The following CNIH3 variants were observed in gnomAD, a reference collection of about 807,000 sequenced individuals.
CNIH3 encodes the protein protein cornichon homolog 3.
CNIH3 carries 14 observed loss-of-function variants against 24.1 expected under a neutral mutation model. The ratio of observed to expected loss-of-function variants is 0.58; its 90% CI spans 0.38 to 0.91. The LOEUF (loss-of-function observed/expected upper bound fraction) is 0.91. Among genes scored for constraint, CNIH3 ranks in the 40% least tolerant of loss-of-function variants. The pLI is 0.00. For synonymous variants in CNIH3, 68 were observed against 73.8 expected (o/e 0.92, Z 0.40); for missense variants, 178 against 196.8 (o/e 0.90, Z 0.57).
rs953749225 is a variant in CNIH3 at position 224,697,969 on chromosome 1, T to C, written c.198+13126T>C. On this transcript the variant is annotated intron_variant, in intron 3 of 5. Transcript: ENST00000272133. ...GCTTGTGCTGAATTAATTCGCATGC[T>C]CCAGACATATCTTCTCCCCACGGAA... Among the ~76,000 whole-genome samples, 25 of 152,222 alleles carry C rather than the reference T, an allele frequency of 1.6e-4. 1 individual carries two copies. The highest frequency in any genetic ancestry group is 5.3e-4 in the African/African-American group (22 of 41,460).
chr1:224,690,066 G>A (rs1003180258), intron 3 of CNIH3, among the ~76,000 whole-genome samples: 23 of 152,142 alleles, frequency 1.5e-4, no homozygotes, highest in African/African-American at 5.1e-4. Flanking sequence ...AGTGGTTCGA[G>A]GAAATTAACT....
chr1:224,661,288 AT>A, intron 1 of CNIH3: 25 of 294,958 alleles, frequency 8.5e-5, no homozygotes, highest in South Asian at 1.3e-4. Flanking sequence ...TTTTTTAGTA[AT>A]TTTTTTGCCA....
chr1:224,696,574 CA>C (rs2125166891), intron 3 of CNIH3, among the ~76,000 whole-genome samples: 1 of 152,292 alleles, frequency 6.6e-6, no homozygotes, highest in East Asian at 1.9e-4. Context: ...GACGAGGTGT[CA>C]CAGGTTGAAT....
chr1:224,577,683 A>G (rs1302089151), intron 4 of CNIH3, among the ~76,000 whole-genome samples: 9 of 152,300 alleles, frequency 5.9e-5, no homozygotes, highest in African/African-American at 2.2e-4. Flanking sequence ...AGTATTGTAG[A>G]ACTATTGTTT....
intron 1 of CNIH3, among the ~76,000 whole-genome samples, chr1:224,469,854 T>C (rs2102995100): frequency 6.6e-6 from 1 of 152,312 alleles, no homozygotes; most frequent in Non-Finnish European, 1.5e-5. Flanking sequence ...ATTTTCCTTC[T>C]ACTTTCAGGC....
chr1:224,596,187 C>G (rs1681973719), intron 3 of CNIH3, among the ~76,000 whole-genome samples: 1 of 152,238 alleles, frequency 6.6e-6, no homozygotes, highest in African/African-American at 2.4e-5. Flanking sequence ...AGCTCACTCT[C>G]TCATTAGGGG....
downstream of CNIH3, among the ~76,000 whole-genome samples, chr1:224,591,831 G>C (rs552928676): frequency 2.6e-5 from 4 of 152,248 alleles, no homozygotes; most frequent in South Asian, 8.3e-4. Flanking sequence ...TGCCTGATCT[G>C]TCTATCATTT....
intron 3 of CNIH3, among the ~76,000 whole-genome samples, chr1:224,561,226 A>T (rs1454411694): frequency 6.6e-6 from 1 of 152,210 alleles, no homozygotes; most frequent in African/African-American, 2.4e-5. Context: ...TAATTTTGGT[A>T]AATAAAAATT....
intron 2 of CNIH3, among the ~76,000 whole-genome samples, chr1:224,523,154 G>A (rs1461648423): frequency 2.0e-5 from 3 of 152,122 alleles, no homozygotes; most frequent in East Asian, 1.9e-4. Context: ...CAGAAGGATC[G>A]CTTGAGTGCA....
At chr1:224,738,253 C>T (rs868288725) in intron 5 of CNIH3, among the ~76,000 whole-genome samples, 10 of 152,192 alleles carry the variant, frequency 6.6e-5, no homozygotes, top group South Asian at 2.1e-4. Context: ...TCTGGCATAA[C>T]GAATGAAAGT....
intron 3 of CNIH3, among the ~76,000 whole-genome samples, chr1:224,718,226 G>T (rs560585842): frequency 2.0e-4 from 31 of 152,220 alleles, no homozygotes; most frequent in African/African-American, 7.0e-4. Flanking sequence ...GGCAGGGAGG[G>T]CTCATCTGAG....
rs569341032 is a variant in CNIH3, at chr1:224,467,442, T to C, written n.203+32580T>C. ...CATAGTTTTTGTTTGTTTGTTTGTT[T>C]GTTTTTGTTTTGCTCTCATTGCCTA... On this transcript the variant is annotated intron_variant and non_coding_transcript_variant, in intron 1 of 5. Coordinates refer to the CNIH3 transcript ENST00000471578. Among the ~76,000 whole-genome samples, 27 of 152,288 alleles carry C rather than the reference T, an allele frequency of 1.8e-4. 1 individual carries two copies. Among genetic ancestry groups the C allele is most frequent in the African/African-American group, 6.0e-4 (25 of 41,570 alleles).
chr1:224,718,236 G>T (rs1422782057), intron 3 of CNIH3, among the ~76,000 whole-genome samples: 3 of 151,996 alleles, frequency 2.0e-5, no homozygotes, highest in Non-Finnish European at 4.4e-5. Context: ...GCTCATCTGA[G>T]GAGGTGACCT....
intron 1 of CNIH3, among the ~76,000 whole-genome samples, chr1:224,484,843 A>G (rs1211586852): frequency 3.9e-5 from 6 of 152,238 alleles, no homozygotes; most frequent in Admixed American, 3.9e-4. Context: ...AGAGTCTTCA[A>G]AAAATATCTT....
intron 1 of CNIH3, among the ~76,000 whole-genome samples, chr1:224,506,276 C>CGT (rs1178591112): frequency 1.1e-4 from 5 of 43,618 alleles, no homozygotes; most frequent in South Asian, 1.4e-3. Context: ...CACACGCGCG[C>CGT]GCGCGCGCGC....
At chr1:224,522,716 A>T (rs971964305) in intron 2 of CNIH3, among the ~76,000 whole-genome samples, 1 of 152,208 alleles carries the variant, frequency 6.6e-6, no homozygotes, top group African/African-American at 2.4e-5. Context: ...CCCACTACAC[A>T]TTCTAGGAGA....
intron 3 of CNIH3, among the ~76,000 whole-genome samples, chr1:224,687,680 C>G (rs1380826492): frequency 2.0e-5 from 3 of 152,142 alleles, no homozygotes; most frequent in African/African-American, 7.2e-5. Context: ...GTTACAGGAC[C>G]ACCAGCTTCG....
chr1:224,482,472 T>C (rs1003182741), intron 1 of CNIH3, among the ~76,000 whole-genome samples: 6 of 152,052 alleles, frequency 3.9e-5, no homozygotes, highest in African/African-American at 1.4e-4. Flanking sequence ...CTATCAGGAA[T>C]AGGACCTTCC....
chr1:224,504,849 A>T (rs1677827826), intron 1 of CNIH3, among the ~76,000 whole-genome samples: 2 of 152,194 alleles, frequency 1.3e-5, no homozygotes, highest in South Asian at 4.1e-4. Context: ...GGATCAGATG[A>T]GACCCTGTTC....
Sources: allele counts gnomAD v4.1 joint callset (sites outside exome capture counted in the v4.1 genomes callset), GRCh38; gene constraint gnomAD v4.1.1; transcripts MANE v1.5; gene names NCBI Gene and HGNC (gene_info 2026-07-23, HGNC 2026-07-21).